The following CFAP54 variants were observed in gnomAD, a reference collection of about 807,000 sequenced individuals.
CFAP54 encodes cilia and flagella associated protein 54.
In CFAP54, 290 loss-of-function variants were observed where a neutral mutation model predicts 370.4. The ratio of observed to expected loss-of-function variants is 0.78; its 90% CI spans 0.71 to 0.86. The LOEUF is 0.86. Among genes scored for constraint, CFAP54 ranks in the 40% least tolerant of loss-of-function variants. The probability of loss-of-function intolerance (pLI) is 0.00; values close to 1 mark genes in which losing one functional copy is unlikely to be tolerated. For synonymous variants in CFAP54, 1,206 were observed against 1,236.5 expected (o/e 0.98, Z 0.52); for missense variants, 3,399 against 3,528.7 (o/e 0.96, Z 0.93).
chr12:96,718,549 T>C, intron 49 of CFAP54, 27 bp downstream of exon 49: 1 of 1,383,936 alleles, frequency 7.2e-7, no homozygotes, highest in Non-Finnish European at 1.0e-6. Context: ...TTTCAAACCA[T>C]TAAGTTAGTT....
At chr12:96,573,169 G>T in intron 19 of CFAP54, 1 of 448,812 alleles carries the variant, frequency 2.2e-6, no homozygotes, top group Non-Finnish European at 2.9e-6. Context: ...GGAAGTGGGG[G>T]CATTGGTCTC....
intron 39 of CFAP54, among the ~76,000 whole-genome samples, chr12:96,666,838 T>C (rs1040777791): frequency 6.6e-6 from 1 of 152,172 alleles, no homozygotes; most frequent in Non-Finnish European, 1.5e-5. Context: ...CCCAAAGTTT[T>C]AACTTATTTC....
At chr12:96,546,444 C>G (rs1011806959) in intron 14 of CFAP54, among the ~76,000 whole-genome samples, 10 of 152,160 alleles carry the variant, frequency 6.6e-5, no homozygotes, top group Admixed American at 5.2e-4. Flanking sequence ...CCACCATCTT[C>G]TTAGCTTGTA....
chr12:96,562,801 A>T (rs993870052), intron 17 of CFAP54, among the ~76,000 whole-genome samples: 1 of 151,812 alleles, frequency 6.6e-6, no homozygotes, highest in East Asian at 1.9e-4. Flanking sequence ...ATCTTTTTAC[A>T]TTTTATTTTA....
chr12:96,661,831 T>C (rs1956997865), intron 38 of CFAP54, among the ~76,000 whole-genome samples: 1 of 152,158 alleles, frequency 6.6e-6, no homozygotes, highest in Admixed American at 6.5e-5. Context: ...TAAAAAATCA[T>C]CACACTGCCC....
At chr12:96,507,562 C>CACACACAT (rs1326289773) in intron 4 of CFAP54, among the ~76,000 whole-genome samples, 1 of 150,692 alleles carries the variant, frequency 6.6e-6, no homozygotes, top group African/African-American at 2.5e-5. Context: ...CACACACATA[C>CACACACAT]ACACACACAT....
intron 4 of CFAP54, among the ~76,000 whole-genome samples, chr12:96,512,004 C>G (rs1955174553): frequency 6.6e-6 from 1 of 152,062 alleles, no homozygotes; most frequent in East Asian, 1.9e-4. Context: ...CTTCAACCCT[C>G]CCTCCAGCCT....
chr12:96,685,473 T>C (rs1171364616), intron 42 of CFAP54, among the ~76,000 whole-genome samples: 2 of 152,168 alleles, frequency 1.3e-5, no homozygotes, highest in African/African-American at 4.8e-5. Flanking sequence ...CGGGCCCAGG[T>C]GTTTGCTTTG....
intron 20 of CFAP54, among the ~76,000 whole-genome samples, chr12:96,578,068 C>CA (rs1955998276): frequency 6.6e-6 from 1 of 151,888 alleles, no homozygotes; most frequent in African/African-American, 2.4e-5. Context: ...TCTAAAAAAA[C>CA]AAAAAATAAT....
intron 14 of CFAP54, among the ~76,000 whole-genome samples, chr12:96,546,294 C>G (rs1023043289): frequency 2.6e-5 from 4 of 152,178 alleles, no homozygotes; most frequent in African/African-American, 9.6e-5. Context: ...AGGGACCCCC[C>G]ACTCCACACT....
At chr12:96,688,493 T>C (rs1311351943) in intron 42 of CFAP54, among the ~76,000 whole-genome samples, 2 of 152,174 alleles carry the variant, frequency 1.3e-5, no homozygotes, top group African/African-American at 4.8e-5. Context: ...CATTGGAAAA[T>C]GCCAAAGTGG....
At chr12:96,520,096 C>T (rs1421068419) in intron 6 of CFAP54, among the ~76,000 whole-genome samples, 3 of 152,112 alleles carry the variant, frequency 2.0e-5, no homozygotes, top group African/African-American at 4.8e-5. Flanking sequence ...GGTCTGATCA[C>T]GGCTCACTGC....
At position 96,726,259 on chromosome 12, in the gene CFAP54, T is replaced by C. The variant is rs1957834012; in HGVS notation, c.6965+5694T>C. Among the ~76,000 whole-genome samples the C allele has an allele frequency of 2.6e-5, 4 of 152,054 alleles. No individual in the cohort carries two copies. In the South Asian group the frequency reaches 8.3e-4, roughly 32 times the overall value. ...TAGTTTCAGAAGGAATGGTACCAGTTCCTCCTTGTACCTCTGGTAGAATTC... is the reference window on the plus strand; with the variant it reads ...TAGTTTCAGAAGGAATGGTACCAGTCCCTCCTTGTACCTCTGGTAGAATTC... On this transcript the variant is annotated intron_variant, in intron 50 of 67. Coordinates refer to ENST00000524981, the MANE Select transcript of CFAP54 (RefSeq NM_001306084.2).
chr12:96,769,079 T>C (rs2136676226), intron 60 of CFAP54, among the ~76,000 whole-genome samples: 1 of 152,314 alleles, frequency 6.6e-6, no homozygotes, highest in Non-Finnish European at 1.5e-5. Flanking sequence ...CACCTTGAGA[T>C]GTTGGCACTG....
At chr12:96,735,505 A>G (rs1304136982) in intron 50 of CFAP54, among the ~76,000 whole-genome samples, 1 of 152,224 alleles carries the variant, frequency 6.6e-6, no homozygotes, top group Non-Finnish European at 1.5e-5. Context: ...GAAATGAGGC[A>G]GTGATTCTGT....
intron 4 of CFAP54, among the ~76,000 whole-genome samples, chr12:96,507,517 G>GAA: frequency 8.3e-6 from 1 of 121,130 alleles, no homozygotes; most frequent in South Asian, 2.8e-4. Flanking sequence ...GACTGCTGAG[G>GAA]AACACACACA....
chr12:96,824,602 C>G (rs1228073237), intron 65 of CFAP54, among the ~76,000 whole-genome samples: 1 of 151,970 alleles, frequency 6.6e-6, no homozygotes, highest in Non-Finnish European at 1.5e-5. Context: ...AAAAGTGGAC[C>G]AGGGACCTGG....
At chr12:96,614,209 A>G (rs1486223976) in intron 26 of CFAP54, among the ~76,000 whole-genome samples, 1 of 152,260 alleles carries the variant, frequency 6.6e-6, no homozygotes, top group Non-Finnish European at 1.5e-5. Context: ...CTGGTTCAAC[A>G]TATGCAAATC....
chr12:96,757,640 A>C (rs919886657), intron 58 of CFAP54, 52 bp downstream of exon 58: 8 of 1,087,106 alleles, frequency 7.4e-6, no homozygotes, highest in Non-Finnish European at 1.1e-5. Flanking sequence ...TGAGCTTGCT[A>C]TTTTGGTAAC....
Sources: gnomAD v4.1 joint callset for allele counts (sites outside exome capture counted in the v4.1 genomes callset) on GRCh38, gnomAD v4.1.1 for gene constraint, MANE v1.5 for transcripts, NCBI Gene and HGNC (gene_info 2026-07-23, HGNC 2026-07-21) for gene names.